LONRF2: variants seen among roughly 807,000 people sequenced by gnomAD.
LONRF2 encodes the protein LON peptidase N-terminal domain and RING finger protein 2.
Under a neutral mutation model 66.6 loss-of-function variants are expected in LONRF2, and 35 were observed. That is an observed-to-expected ratio of 0.53 (90% CI 0.40 to 0.70). The LOEUF (loss-of-function observed/expected upper bound fraction) is 0.70. Among genes scored for constraint, LONRF2 ranks in the 30% least tolerant of loss-of-function variants. LONRF2 has a pLI of 0.00. For missense variants in LONRF2, 902 were observed against 1,002.1 expected (o/e 0.90, Z 1.35); for synonymous variants, 417 against 418.1 (o/e 1.00, Z 0.03).
At chr2:100,297,540 G>A (rs903457983) in intron 7 of LONRF2, among the ~76,000 whole-genome samples, 2 of 152,200 alleles carry the variant, frequency 1.3e-5, no homozygotes, top group African/African-American at 4.8e-5. Context: ...GTTGTAAACA[G>A]GGCTCACACA....
chr2:100,289,012 T>C (rs1360524395), intron 10 of LONRF2, among the ~76,000 whole-genome samples: 1 of 152,234 alleles, frequency 6.6e-6, no homozygotes, highest in Non-Finnish European at 1.5e-5. Flanking sequence ...ATATTTCTAT[T>C]AGACACATGA....
rs150644363 is a variant in LONRF2 at position 100,295,463 on chromosome 2, T to C, written c.1567A>G (p.Ile523Val). The change falls in exon 8 of 12, where the codon ATT (isoleucine) becomes GTT (valine). Residue 523 changes from isoleucine to valine, a missense_variant. Ile to Val is a conservative substitution (Grantham distance 29, BLOSUM62 3). This residue lies in a region of LONRF2 where 317 missense variants were observed against 432.2 expected (regional missense o/e 0.73). Coordinates refer to ENST00000393437, the MANE Select transcript of LONRF2 (RefSeq NM_198461.4). Reference protein sequence around the residue: ...LPDELSDRKRIYDEEMSELSN... With the variant: ...LPDELSDRKRVYDEEMSELSN... The stretch of plus-strand genomic sequence containing the variant: ...AGTTCTGACATTTCTTCATCATAAA[T>C]TCTCTTCCTATCAGACAATTCATCC... 2.5e-6 allele frequency: 4 copies of C among 1,613,828 alleles called. No homozygotes were observed. Among genetic ancestry groups the C allele is most frequent in the Non-Finnish European group, 3.4e-6 (4 of 1,179,932 alleles).
chr2:100,286,154 A>C (rs1488774531), intron 11 of LONRF2, among the ~76,000 whole-genome samples: 1 of 152,164 alleles, frequency 6.6e-6, no homozygotes, highest in Non-Finnish European at 1.5e-5. Context: ...AAAAGATAGA[A>C]GCTCCAAGAG....
Position 100,300,751 on chromosome 2 carries a change from C to T in LONRF2, c.958G>A (p.Val320Met), listed in dbSNP as rs1442692350. ...CEVLFSATAN[V>M]HENLTSSIQS... ...ATGGAAGATGTTAAATTTTCATGCA[C>T]ATTTGCTGTAGCTGAAAACAGCACT... The change falls in exon 4 of 12, where the codon GTG becomes ATG. Residue 320 changes from valine to methionine, a missense_variant. Val to Met is a conservative substitution (Grantham distance 21, BLOSUM62 1). Coordinates refer to ENST00000393437, the MANE Select transcript of LONRF2 (RefSeq NM_198461.4). 4 of 1,612,496 alleles carry T rather than the reference C, an allele frequency of 2.5e-6. No individual in the cohort carries two copies. Among genetic ancestry groups the T allele is most frequent in the Admixed American group, 1.7e-5 (1 of 59,606 alleles).
intron 1 of LONRF2, among the ~76,000 whole-genome samples, chr2:100,311,624 T>C (rs10207566): frequency 0.085 from 12,946 of 152,222 alleles, 1,779 homozygotes; most frequent in African/African-American, 0.29. Context: ...GCATTTTCTC[T>C]TATTCTTGAA....
chr2:100,303,315 T>C (rs1253955228), intron 2 of LONRF2, among the ~76,000 whole-genome samples: 1 of 152,216 alleles, frequency 6.6e-6, no homozygotes, highest in Admixed American at 6.5e-5. Flanking sequence ...AGGGACGTGC[T>C]AAGAGAAAAC....
In LONRF2 at chr2:100,302,789, C is replaced by T. The variant is rs868099106; in HGVS notation, c.921+132G>A. 62 of 838,060 alleles carry T rather than the reference C, an allele frequency of 7.4e-5. 1 individual carries two copies. Among genetic ancestry groups the T allele is most frequent in the Non-Finnish European group, 7.7e-5 (46 of 595,276 alleles). 51.9% of individuals were successfully genotyped at this position (838,060 alleles called of 1,614,324 possible). The stretch of plus-strand genomic sequence containing the variant: ...TATGAACCTTACAATTATTGCCATG[C>T]GTTTTTTATTGCATTATCACGAACA... On this transcript the variant is annotated intron_variant, in intron 3 of 11. Transcript: ENST00000393437.
At chr2:100,294,572 T>A (rs939071217) in intron 8 of LONRF2, among the ~76,000 whole-genome samples, 185 bp from the exon 9 acceptor site, 5 of 152,174 alleles carry the variant, frequency 3.3e-5, no homozygotes, top group African/African-American at 1.2e-4. Context: ...TCACCCAGGT[T>A]TCCTGACAAA....
In LONRF2 at chr2:100,321,793, C is replaced by A; in HGVS notation, c.301G>T (p.Gly101Cys). Residue 101 changes from glycine (G) to cysteine (C), a missense_variant, in exon 1 of 12, where the codon GGC (glycine) becomes TGC (cysteine). Transcript: ENST00000393437. ...RPEELEELAG[G>C]LVRAVGLRDR... Reference sequence around the variant, plus strand: ...CGCAGGCCCACGGCGCGCACCAGGCCGCCCGCCAGCTCTTCCAGCTCCTCC... The same window carrying A: ...CGCAGGCCCACGGCGCGCACCAGGCAGCCCGCCAGCTCTTCCAGCTCCTCC... 1 of 1,062,080 alleles carries A rather than the reference C, an allele frequency of 9.4e-7. No individual in the cohort carries two copies. The highest frequency in any genetic ancestry group is 3.9e-5 in the South Asian group (1 of 25,680). The allele number at this position is 1,062,080 out of a possible 1,614,324, so 65.8% of individuals were successfully genotyped here.
At position 100,281,693 on chromosome 2, in the gene LONRF2, G is replaced by A. The variant is rs1207872943; in HGVS notation, c.*2605C>T. 1 of 152,074 alleles carries A rather than the reference G, an allele frequency of 6.6e-6. No homozygotes were observed. Among genetic ancestry groups the A allele is most frequent in the African/African-American group, 2.4e-5 (1 of 41,404 alleles). 9.4% of individuals were successfully genotyped at this position (152,074 alleles called of 1,614,324 possible). ...TTTTCTGCTTTGATTCCAATGTAACGAGAGCATGCCTATTGGAGCACTTTC... is the reference window on the plus strand; with the variant it reads ...TTTTCTGCTTTGATTCCAATGTAACAAGAGCATGCCTATTGGAGCACTTTC... On this transcript the variant is annotated 3_prime_UTR_variant, in exon 12 of 12. Transcript: ENST00000393437.
At chr2:100,284,862 T>G (rs1674813223) in intron 11 of LONRF2, among the ~76,000 whole-genome samples, 1 of 152,200 alleles carries the variant, frequency 6.6e-6, no homozygotes, top group South Asian at 2.1e-4. Context: ...GTCTTAAGCA[T>G]GCCATATAAA....
intron 3 of LONRF2, 26 bp from the exon 4 acceptor site, chr2:100,300,813 A>C: frequency 6.5e-7 from 1 of 1,538,168 alleles, no homozygotes; most frequent in African/African-American, 1.4e-5. Context: ...GAAAAGAAAA[A>C]ATATATATTT....
At position 100,281,020 on chromosome 2, in the gene LONRF2, G is replaced by A. The variant is rs1674706842; in HGVS notation, c.*3278C>T. On this transcript the variant is annotated 3_prime_UTR_variant, in exon 12 of 12. Transcript: ENST00000393437. ...AGTGGTGGGGCACAAAAGAAAACAA[G>A]AAGGAGAAGAAACAGATGGGTATTT... 1 of 152,154 alleles carries A rather than the reference G, an allele frequency of 6.6e-6. No individual in the cohort carries two copies. Among genetic ancestry groups the A allele is most frequent in the Admixed American group, 6.5e-5 (1 of 15,276 alleles). The allele number at this position is 152,154 out of a possible 1,614,324, so 9.4% of individuals were successfully genotyped here. A position where few individuals can be genotyped will look rare whatever the true frequency, so the allele number is the denominator to read the frequency against.
Position 100,287,022 on chromosome 2 carries a change from A to G in LONRF2, c.1962T>C (p.Asp654=). The G allele has an allele frequency of 6.2e-7, 1 of 1,614,206 alleles. No individual in the cohort carries two copies. Among genetic ancestry groups the G allele is most frequent in the Non-Finnish European group, 8.5e-7 (1 of 1,180,024 alleles). Reference sequence around the variant, plus strand: ...AGGAAACAGACTGTTGATGCACAGAATCGTGGAGAGCGGCAAGTTCTTCAT... The same window carrying G: ...AGGAAACAGACTGTTGATGCACAGAGTCGTGGAGAGCGGCAAGTTCTTCAT... ...PEYEELAALH[D]SVHQQSVSWF... Residue 654 remains aspartate (D), a synonymous_variant, in exon 11 of 12, where the codon GAT becomes GAC. Transcript: ENST00000393437.
rs28651883 is a variant in LONRF2, at chr2:100,298,337, A to G, written c.1476+499T>C. 3.7e-3 allele frequency among the ~76,000 whole-genome samples: 565 copies of G among 152,320 alleles called. 9 individuals carry two copies. The East Asian group carries it at 0.047, about 13-fold the overall frequency. On this transcript the variant is annotated intron_variant, in intron 7 of 11. Coordinates refer to ENST00000393437, the MANE Select transcript of LONRF2 (RefSeq NM_198461.4). ...ATGGAACCTGGATTTAATAGTTTAT[A>G]TTGGGGCTAAATATCATTAAATAGC...
At position 100,292,772 on chromosome 2, in the gene LONRF2, A is replaced by G. The variant is rs1674987734; in HGVS notation, c.1757+1457T>C. On this transcript the variant is annotated intron_variant, in intron 9 of 11. Coordinates refer to ENST00000393437, the MANE Select transcript of LONRF2 (RefSeq NM_198461.4). The stretch of plus-strand genomic sequence containing the variant: ...CTCCTAATTATAAAGGCAGTCCCCA[A>G]TATTTCCTCTTAAATGTTTTTATAT... 2.6e-5 allele frequency among the ~76,000 whole-genome samples: 4 copies of G among 152,204 alleles called. No individual in the cohort carries two copies. In the South Asian group the frequency reaches 8.3e-4, roughly 32 times the overall value.
intron 7 of LONRF2, among the ~76,000 whole-genome samples, chr2:100,296,992 C>A (rs1394814904): frequency 6.6e-6 from 1 of 152,094 alleles, no homozygotes; most frequent in South Asian, 2.1e-4. Flanking sequence ...ACATTAGGAA[C>A]CCATGTATAG....
intron 9 of LONRF2, among the ~76,000 whole-genome samples, chr2:100,293,258 ACTT>A (rs1388690414): frequency 1.3e-5 from 2 of 152,234 alleles, no homozygotes; most frequent in South Asian, 2.1e-4. Flanking sequence ...TTGATTCAGA[ACTT>A]CTTATCTTTC....
intron 1 of LONRF2, among the ~76,000 whole-genome samples, chr2:100,313,145 T>C (rs1675441581): frequency 6.6e-6 from 1 of 152,182 alleles, no homozygotes; most frequent in South Asian, 2.1e-4. Context: ...GTTACTGCTA[T>C]AAAATCTATC....
Sources: allele counts gnomAD v4.1 joint callset (sites outside exome capture counted in the v4.1 genomes callset), GRCh38; gene constraint gnomAD v4.1.1; regional missense constraint gnomAD v4.1.1; transcripts MANE v1.5; gene names NCBI Gene and HGNC (gene_info 2026-07-23, HGNC 2026-07-21).